The following CTNNA1 variants were observed in gnomAD, a reference collection of about 807,000 sequenced individuals.
CTNNA1 encodes catenin alpha 1.
CTNNA1 carries 37 observed loss-of-function variants against 98.4 expected under a neutral mutation model. The ratio of observed to expected loss-of-function variants is 0.38; its 90% CI spans 0.29 to 0.49. CTNNA1 has a LOEUF of 0.49. CTNNA1 is among the 20% of genes least tolerant of loss of function. The probability of loss-of-function intolerance (pLI) is 0.95; values close to 1 mark genes in which losing one functional copy is unlikely to be tolerated. For synonymous variants in CTNNA1, 404 were observed against 413.2 expected (o/e 0.98, Z 0.27); for missense variants, 761 against 1,147.2 (o/e 0.66, Z 4.86).
rs947886432 is a variant in CTNNA1 at position 138,812,307 on chromosome 5, A to G, written c.588+5A>G. Reference sequence around the variant, plus strand: ...ATGGCAGCCAAAAGACAACAGGTACAGTCATGATTTGGGGATATATTAAAG... The same window carrying G: ...ATGGCAGCCAAAAGACAACAGGTACGGTCATGATTTGGGGATATATTAAAG... On this transcript the variant is annotated splice_donor_5th_base_variant and intron_variant, in intron 5 of 17. Transcript: ENST00000302763. 6.2e-7 allele frequency: 1 copy of G among 1,608,588 alleles called. No homozygotes were observed. The highest frequency in any genetic ancestry group is 1.4e-5 in the African/African-American group (1 of 73,744).
At chr5:138,842,507 T>TA (rs1366446910) in intron 7 of CTNNA1, among the ~76,000 whole-genome samples, 1 of 152,220 alleles carries the variant, frequency 6.6e-6, no homozygotes, top group East Asian at 1.9e-4. Flanking sequence ...TCTGTTGTGA[T>TA]AAAGGATCCT....
At chr5:138,797,369 C>T (rs1040154866) in intron 3 of CTNNA1, among the ~76,000 whole-genome samples, 2 of 152,146 alleles carry the variant, frequency 1.3e-5, no homozygotes, top group Admixed American at 6.5e-5. Context: ...CATCCCATCC[C>T]TTTCCCAGGA....
intron 1 of CTNNA1, among the ~76,000 whole-genome samples, chr5:138,764,767 G>A (rs1219969095): frequency 1.3e-5 from 2 of 151,726 alleles, no homozygotes; most frequent in African/African-American, 4.8e-5. Context: ...CACTGTACCT[G>A]GCCAGATGAC....
At chr5:138,892,910 G>T (rs59778237) in intron 9 of CTNNA1, among the ~76,000 whole-genome samples, 1 of 152,012 alleles carries the variant, frequency 6.6e-6, no homozygotes, top group East Asian at 2.0e-4. Context: ...CAGCTACTCG[G>T]GAGGCTGAGG....
At chr5:138,890,310 G>C (rs1755068273) in intron 9 of CTNNA1, among the ~76,000 whole-genome samples, 1 of 151,292 alleles carries the variant, frequency 6.6e-6, no homozygotes, top group Non-Finnish European at 1.5e-5. Context: ...CCAGAAGTTA[G>C]TGCAGACCCC....
Position 138,934,290 on chromosome 5 carries a change from C to T in CTNNA1, c.*201C>T. On this transcript the variant is annotated 3_prime_UTR_variant, in exon 18 of 18. Coordinates refer to ENST00000302763, the MANE Select transcript of CTNNA1 (RefSeq NM_001903.5). The stretch of plus-strand genomic sequence containing the variant: ...GCTTTTAGAATGCAGGAGCCTACTT[C>T]TAGCTGTATTTTTTGTATGCTTAAA... The T allele has an allele frequency of 1.8e-6, 1 of 545,534 alleles. No homozygotes were observed. Among genetic ancestry groups the T allele is most frequent in the East Asian group, 3.0e-5 (1 of 33,532 alleles). The allele number at this position is 545,534 out of a possible 1,614,324, so 33.8% of individuals were successfully genotyped here.
intron 1 of CTNNA1, among the ~76,000 whole-genome samples, chr5:138,778,043 A>G (rs1580954774): frequency 8.2e-6 from 1 of 122,078 alleles, no homozygotes; most frequent in Non-Finnish European, 1.6e-5. Context: ...CCCAGGCAGG[A>G]GTGCAGTGGC....
chr5:138,830,649 A>G (rs1706976393), intron 7 of CTNNA1, among the ~76,000 whole-genome samples: 1 of 152,260 alleles, frequency 6.6e-6, no homozygotes, highest in African/African-American at 2.4e-5. Flanking sequence ...AAAAACATTT[A>G]GAACCTCTAG....
rs1470888475 is a variant in CTNNA1 at position 138,873,813 on chromosome 5, A to G, written c.1063-12399A>G. Reference sequence around the variant, plus strand: ...AGCTTTTCTAAAGTGCCCCAGGTCCACTCCATCCCACATGTCAAGTTGCTG... The same window carrying G: ...AGCTTTTCTAAAGTGCCCCAGGTCCGCTCCATCCCACATGTCAAGTTGCTG... On this transcript the variant is annotated intron_variant, in intron 7 of 17. Transcript: ENST00000302763. The surrounding 1 kb of genome is among the most constrained non-coding windows in gnomAD (Gnocchi z 6.1). 1.2e-6 allele frequency: 2 copies of G among 1,613,832 alleles called. No homozygotes were observed. The highest frequency in any genetic ancestry group is 2.2e-5 in the East Asian group (1 of 44,872).
chr5:138,915,572 C>T (rs1042327720), intron 10 of CTNNA1, among the ~76,000 whole-genome samples: 6 of 152,178 alleles, frequency 3.9e-5, no homozygotes, highest in Admixed American at 2.0e-4. Flanking sequence ...AGTTCTACTC[C>T]GTTCCCAGAG....
At chr5:138,803,908 A>G (rs1329402729) in intron 3 of CTNNA1, among the ~76,000 whole-genome samples, 1 of 152,214 alleles carries the variant, frequency 6.6e-6, no homozygotes, top group East Asian at 1.9e-4. Flanking sequence ...AGCATTTAGA[A>G]TAGTGCCTGG....
chr5:138,861,608 A>G (rs1764290048), intron 7 of CTNNA1, among the ~76,000 whole-genome samples: 1 of 152,210 alleles, frequency 6.6e-6, no homozygotes, highest in African/African-American at 2.4e-5. Context: ...CAAGAGAGCA[A>G]CTTTTATTAC....
rs1336629941 is a variant in CTNNA1, at chr5:138,777,018, G to A, written c.-2-4905G>A. ...GGGGCTGACCCCCCACCTCCCTCCC[G>A]GATGGGGTGGCTGCCGGGCAGAGAC... On this transcript the variant is annotated intron_variant, in intron 1 of 17. Coordinates refer to ENST00000302763, the MANE Select transcript of CTNNA1 (RefSeq NM_001903.5). Among the ~76,000 whole-genome samples the A allele has an allele frequency of 1.2e-4, 19 of 152,256 alleles. No individual in the cohort carries two copies. The South Asian group carries it at 2.7e-3, about 22-fold the overall frequency.
intron 4 of CTNNA1, among the ~76,000 whole-genome samples, chr5:138,811,219 C>T (rs1304258282): frequency 4.8e-5 from 7 of 145,604 alleles, no homozygotes; most frequent in South Asian, 2.2e-4. Context: ...CGGGCAGAGA[C>T]GCTCCTCACC....
chr5:138,875,969 C>A (rs1368888741), intron 7 of CTNNA1, among the ~76,000 whole-genome samples: 1 of 152,120 alleles, frequency 6.6e-6, no homozygotes, highest in Admixed American at 6.6e-5. Flanking sequence ...TTCAGGGGAA[C>A]TCTAAAAAGA....
intron 11 of CTNNA1, among the ~76,000 whole-genome samples, chr5:138,923,284 C>A (rs1763301041): frequency 6.6e-6 from 1 of 152,168 alleles, no homozygotes; most frequent in African/African-American, 2.4e-5. Flanking sequence ...TTGTGATGGG[C>A]TCCAAATCCA....
chr5:138,856,349 T>A lies in CTNNA1; in HGVS notation c.1062+28631T>A, dbSNP rs140517606. 4.3e-3 allele frequency among the ~76,000 whole-genome samples: 655 copies of A among 152,260 alleles called. 1 individual carries two copies. Among genetic ancestry groups the A allele is most frequent in the African/African-American group, 0.015 (612 of 41,528 alleles). ...TGCATTTCTTTCTTTTCCTTTTTTT[T>A]AAAGAATAAAACAGACAGGGTCTCA... On this transcript the variant is annotated intron_variant, in intron 7 of 17. Transcript: ENST00000302763.
intron 3 of CTNNA1, among the ~76,000 whole-genome samples, chr5:138,784,699 G>A (rs1331044589): frequency 6.6e-6 from 1 of 152,280 alleles, no homozygotes; most frequent in East Asian, 1.9e-4. Context: ...CTGAAATCAA[G>A]GTGTTGGCAG....
At chr5:138,866,977 G>C (rs1470360771) in intron 7 of CTNNA1, among the ~76,000 whole-genome samples, 2 of 152,162 alleles carry the variant, frequency 1.3e-5, no homozygotes, top group African/African-American at 2.4e-5. Context: ...TTGTATATTT[G>C]AGTGGGAACC....
Sources: gnomAD v4.1 joint callset for allele counts (sites outside exome capture counted in the v4.1 genomes callset) on GRCh38, gnomAD v4.1.1 for gene constraint, Gnocchi (gnomAD v3.1) non-coding constraint, MANE v1.5 for transcripts, NCBI Gene and HGNC (gene_info 2026-07-23, HGNC 2026-07-21) for gene names.